Variants in WDR64 observed in about 807,000 individuals in gnomAD.
WDR64 encodes WD repeat-containing protein 64.
A neutral mutation model predicts 139.3 loss-of-function variants in WDR64; 112 were observed. That is an observed-to-expected ratio of 0.80 (90% CI 0.69 to 0.94). The LOEUF (loss-of-function observed/expected upper bound fraction) is 0.94, where lower values mean the gene tolerates loss of function less well. Among genes scored for constraint, WDR64 ranks in the 40% least tolerant of loss-of-function variants. The probability of loss-of-function intolerance (pLI) is 0.00; values close to 1 mark genes in which losing one functional copy is unlikely to be tolerated. For missense variants in WDR64, 1,206 were observed against 1,293.1 expected (o/e 0.93, Z 1.03); for synonymous variants, 444 against 437.7 (o/e 1.01, Z -0.18).
intron 4 of WDR64, among the ~76,000 whole-genome samples, chr1:241,675,205 C>CTT (rs1666490763): frequency 1.8e-5 from 1 of 54,484 alleles, no homozygotes; most frequent in African/African-American, 8.8e-5. Context: ...CAACTTCCCT[C>CTT]CCTTCCTCCC....
intron 12 of WDR64, 32 bp from the exon 13 acceptor site, chr1:241,744,361 G>T (rs936760990): frequency 4.3e-6 from 7 of 1,611,432 alleles, no homozygotes; most frequent in South Asian, 1.1e-5. Flanking sequence ...TTCTTCAAAC[G>T]GATTACTTGA....
At position 241,749,661 on chromosome 1, in the gene WDR64, A is replaced by C. The variant is rs1669905784; in HGVS notation, c.1709A>C (p.Gln570Pro). 1.2e-6 allele frequency: 2 copies of C among 1,614,146 alleles called. No individual in the cohort carries two copies. The highest frequency in any genetic ancestry group is 1.7e-6 in the Non-Finnish European group (2 of 1,180,010). ...CLRRLIFLKA[Q>P]EKHQQLVLAL... ...CGACGCCTCATTTTCCTCAAAGCCC[A>C]AGAAAAACACCAGCAGCTGGTCCTG... is the stretch of plus-strand genomic sequence containing the variant. The change falls in exon 14 of 28, where the codon CAA becomes CCA. Residue 570 changes from glutamine to proline, a missense_variant. Physicochemically the swap from Gln to Pro is moderately conservative, Grantham distance 76. Coordinates refer to ENST00000437684, the MANE Select transcript of WDR64 (RefSeq NM_001367482.1).
chr1:241,711,815 T>A lies in WDR64; in HGVS notation c.988T>A (p.Phe330Ile), dbSNP rs767812328. 1.2e-6 allele frequency: 2 copies of A among 1,613,672 alleles called. No homozygotes were observed. The highest frequency in any genetic ancestry group is 2.2e-5 in the South Asian group (2 of 91,058). ...TGTGTTTTCCAGGCCTGTCAGAGAGTTTTCCATGCCAAGAGGAGCCAACAC... is the reference window on the plus strand; with the variant it reads ...TGTGTTTTCCAGGCCTGTCAGAGAGATTTCCATGCCAAGAGGAGCCAACAC... Reference protein sequence around the residue: ...RLEDNLPVREFSMPRGANTFC... With the variant: ...RLEDNLPVREISMPRGANTFC... Residue 330 changes from phenylalanine (F) to isoleucine (I), a missense_variant, in exon 9 of 28, where the codon TTT (phenylalanine) becomes ATT (isoleucine). By Grantham distance (21) the Phe-to-Ile change is conservative. Transcript: ENST00000437684.
intron 20 of WDR64, 39 bp downstream of exon 20, chr1:241,772,970 G>T: frequency 6.6e-7 from 1 of 1,522,656 alleles, no homozygotes. Flanking sequence ...GGAAAGAATG[G>T]GAAAGATAAA....
At chr1:241,768,083 G>A (rs991597982) in intron 16 of WDR64, among the ~76,000 whole-genome samples, 2 of 152,196 alleles carry the variant, frequency 1.3e-5, no homozygotes, top group Non-Finnish European at 2.9e-5. Flanking sequence ...ACAGCCTAAA[G>A]AGGGGGGCAA....
intron 8 of WDR64, among the ~76,000 whole-genome samples, chr1:241,688,815 A>G (rs1463909961): frequency 6.6e-6 from 1 of 152,152 alleles, no homozygotes; most frequent in Non-Finnish European, 1.5e-5. Flanking sequence ...GTGCCCAGTC[A>G]TAGGGGCCCC....
rs371536329 is a variant in WDR64, at chr1:241,757,243, T to A, written c.1771-40T>A. On this transcript the variant is annotated intron_variant, in intron 14 of 27. Coordinates refer to ENST00000437684, the MANE Select transcript of WDR64 (RefSeq NM_001367482.1). ...CTCTTTAAAACAGTTCAAAATAAAA[T>A]AATTGAACTTTTCATGCACTCACTG... is the stretch of plus-strand genomic sequence containing the variant. 3.9e-5 allele frequency: 61 copies of A among 1,561,570 alleles called. No individual in the cohort carries two copies. In the African/African-American group the frequency reaches 8.1e-4, roughly 21 times the overall value.
At chr1:241,735,347 T>C (rs1451838469) in intron 10 of WDR64, among the ~76,000 whole-genome samples, 2 of 152,170 alleles carry the variant, frequency 1.3e-5, no homozygotes, top group Admixed American at 6.6e-5. Flanking sequence ...GTCTTTGTGT[T>C]GTTGCTTTGG....
Position 241,674,791 on chromosome 1 carries a change from T to G in WDR64, c.483+44T>G, listed in dbSNP as rs941243031. On this transcript the variant is annotated intron_variant, in intron 4 of 27. Transcript: ENST00000437684. ...TTTAACTGAATGACTCATTTTACAATAACCAGGTAATTTAAAAGCTTGGAT... is the reference window on the plus strand; with the variant it reads ...TTTAACTGAATGACTCATTTTACAAGAACCAGGTAATTTAAAAGCTTGGAT... 6 of 1,222,284 alleles carry G rather than the reference T, an allele frequency of 4.9e-6. No homozygotes were observed. In the African/African-American group the frequency reaches 7.6e-5, roughly 16 times the overall value. The allele number at this position is 1,222,284 out of a possible 1,614,324, so 75.7% of individuals were successfully genotyped here.
At chr1:241,730,066 A>G (rs1669018811) in intron 10 of WDR64, among the ~76,000 whole-genome samples, 1 of 152,270 alleles carries the variant, frequency 6.6e-6, no homozygotes, top group Non-Finnish European at 1.5e-5. Flanking sequence ...TATGTATTAT[A>G]AAACATAAAA....
At chr1:241,784,954 A>G (rs12095703) in intron 23 of WDR64, among the ~76,000 whole-genome samples, 1,099 of 9,258 alleles carry the variant, frequency 0.12, 71 homozygotes, top group Middle Eastern at 0.25. Flanking sequence ...ACTCTGTCTG[A>G]AAAAAAAAAA....
intron 9 of WDR64, among the ~76,000 whole-genome samples, chr1:241,721,965 T>C (rs188256806): frequency 2.6e-5 from 4 of 152,198 alleles, no homozygotes; most frequent in Non-Finnish European, 5.9e-5. Context: ...AGCCTGGAAA[T>C]GTGTATCCAG....
intron 14 of WDR64, among the ~76,000 whole-genome samples, chr1:241,754,618 C>T (rs1225330173): frequency 1.3e-5 from 2 of 151,938 alleles, no homozygotes; most frequent in East Asian, 1.9e-4. Context: ...TTGCCTGGCC[C>T]GTGCAGGTTT....
At chr1:241,653,886 C>T (rs914863606) in intron 1 of WDR64, among the ~76,000 whole-genome samples, 1 of 152,134 alleles carries the variant, frequency 6.6e-6, no homozygotes, top group African/African-American at 2.4e-5. Flanking sequence ...AGACTTGGAC[C>T]TTTTGGATAT....
chr1:241,718,974 A>G (rs1385455102), intron 9 of WDR64, among the ~76,000 whole-genome samples: 2 of 152,122 alleles, frequency 1.3e-5, no homozygotes, highest in African/African-American at 4.8e-5. Flanking sequence ...TCCAAACACC[A>G]TCGTGTTGGG....
chr1:241,752,862 C>A (rs890755874), intron 14 of WDR64, among the ~76,000 whole-genome samples: 1 of 152,074 alleles, frequency 6.6e-6, no homozygotes, highest in Non-Finnish European at 1.5e-5. Flanking sequence ...AAAAGACACA[C>A]ACACAAAAAA....
Position 241,664,385 on chromosome 1 carries a change from TA to T in WDR64, c.276+3732del, listed in dbSNP as rs576746661. Among the ~76,000 whole-genome samples, 751 of 152,296 alleles carry T rather than the reference TA, an allele frequency of 4.9e-3. 4 individuals are homozygous for T. Among genetic ancestry groups the T allele is most frequent in the African/African-American group, 0.016 (650 of 41,556 alleles). On this transcript the variant is annotated intron_variant, in intron 2 of 27. Transcript: ENST00000437684. ...GTCTAACCAATGTTTCACGTCAATA[TA>T]AAAAAATTATGAACATTTGGAAATT...
At chr1:241,700,319 G>T (rs1224026459) in intron 8 of WDR64, among the ~76,000 whole-genome samples, 1 of 151,246 alleles carries the variant, frequency 6.6e-6, no homozygotes, top group African/African-American at 2.4e-5. Context: ...ACTTCCACTG[G>T]TTAAGCCCAA....
chr1:241,739,754 C>T (rs138431957), intron 11 of WDR64, among the ~76,000 whole-genome samples: 1 of 152,186 alleles, frequency 6.6e-6, no homozygotes, highest in Admixed American at 6.5e-5. Context: ...TCTGATAGCA[C>T]CTCTGTTTGC....
Sources: gnomAD v4.1 joint callset for allele counts (sites outside exome capture counted in the v4.1 genomes callset) on GRCh38, gnomAD v4.1.1 for gene constraint, MANE v1.5 for transcripts, NCBI Gene and HGNC (gene_info 2026-07-23, HGNC 2026-07-21) for gene names.